The following FAM193A variants were observed in gnomAD, a reference collection of about 807,000 sequenced individuals.
FAM193A encodes the protein protein FAM193A.
FAM193A carries 22 observed loss-of-function variants against 126.5 expected under a neutral mutation model. The ratio of observed to expected loss-of-function variants is 0.17; its 90% confidence interval spans 0.12 to 0.25. The LOEUF (loss-of-function observed/expected upper bound fraction) is 0.25, where lower values mean the gene tolerates loss of function less well. Ranked by LOEUF, FAM193A falls within the 10% of genes least tolerant of loss-of-function variation. The pLI is 1.00. For missense variants in FAM193A, 1,675 were observed against 1,672.8 expected, an observed-to-expected ratio of 1.00 and a Z score of -0.02; for synonymous variants, 761 against 646.8, an observed-to-expected ratio of 1.18 and a Z score of -2.68.
At chr4:2,729,705 G>A (rs1322368905) in intron 20 of FAM193A, among the ~76,000 whole-genome samples, 1 of 152,130 alleles carries the variant, frequency 6.6e-6, no homozygotes, top group Non-Finnish European at 1.5e-5. Flanking sequence ...CTGCCCACCA[G>A]GCTGAAGCCA....
At chr4:2,590,472 AAAAC>A (rs1417474249) in intron 1 of FAM193A, among the ~76,000 whole-genome samples, 1,803 of 85,432 alleles carry the variant, frequency 0.021, 247 homozygotes, top group African/African-American at 0.028. Flanking sequence ...TCAAAAAAAA[AAAAC>A]AAAAAAAAAC....
chr4:2,617,493 T>C (rs993054603), intron 2 of FAM193A, among the ~76,000 whole-genome samples: 2 of 151,100 alleles, frequency 1.3e-5, no homozygotes, highest in African/African-American at 4.9e-5. Flanking sequence ...CTCGATCTCC[T>C]GACCTCGTGA....
intron 13 of FAM193A, among the ~76,000 whole-genome samples, chr4:2,681,260 TTTTG>T (rs1715085268): frequency 6.6e-6 from 1 of 152,150 alleles, no homozygotes; most frequent in South Asian, 2.1e-4. Flanking sequence ...GTTTTGTCAG[TTTTG>T]TTTCTCTTTT....
chr4:2,616,293 T>C (rs1471400282), intron 2 of FAM193A, among the ~76,000 whole-genome samples: 3 of 152,194 alleles, frequency 2.0e-5, no homozygotes, highest in Non-Finnish European at 4.4e-5. Context: ...CTTTGTCTTA[T>C]ACTGAGAGCC....
At chr4:2,570,788 G>A (rs992866837) in intron 1 of FAM193A, among the ~76,000 whole-genome samples, 15 of 152,092 alleles carry the variant, frequency 9.9e-5, no homozygotes, top group African/African-American at 3.4e-4. Context: ...CCCACTCCCC[G>A]GCCTGGGAGC....
At chr4:2,586,842 C>T (rs1027641532) in intron 1 of FAM193A, among the ~76,000 whole-genome samples, 1 of 152,034 alleles carries the variant, frequency 6.6e-6, no homozygotes, top group Non-Finnish European at 1.5e-5. Flanking sequence ...TTTGTAGAGA[C>T]GGGGTCTCCC....
chr4:2,554,916 A>G (rs2108828216), intron 1 of FAM193A, among the ~76,000 whole-genome samples: 1 of 152,220 alleles, frequency 6.6e-6, no homozygotes, highest in Non-Finnish European at 1.5e-5. Flanking sequence ...TAATATTGGC[A>G]TGTTATATTT....
chr4:2,638,519 G>A (rs902340418), intron 5 of FAM193A, among the ~76,000 whole-genome samples: 1 of 152,188 alleles, frequency 6.6e-6, no homozygotes, highest in Non-Finnish European at 1.5e-5. Context: ...GTGAAAACAC[G>A]ATGAGGAAAA....
rs1742911748 is a variant in FAM193A, at chr4:2,625,868, CG to C, written c.635+474del. On this transcript the variant is annotated intron_variant, in intron 3 of 20. Coordinates refer to ENST00000637812, the MANE Select transcript of FAM193A (RefSeq NM_001366318.2). ...CAGTCCCGGTATCTGGGACTACAGG[CG>C]CGCACCACCATGTCGGGCTAATTTT... Among the ~76,000 whole-genome samples the C allele has an allele frequency of 3.9e-5, 6 of 151,966 alleles. No homozygotes were observed. The South Asian group carries it at 1.2e-3, about 32-fold the overall frequency.
intron 2 of FAM193A, among the ~76,000 whole-genome samples, chr4:2,623,125 A>G (rs1016148377): frequency 2.0e-5 from 3 of 151,162 alleles, no homozygotes; most frequent in Admixed American, 6.6e-5. Flanking sequence ...TCAGGATGAC[A>G]CAAGCTCTTA....
intron 1 of FAM193A, among the ~76,000 whole-genome samples, chr4:2,590,911 C>T (rs1457676077): frequency 6.6e-6 from 1 of 151,864 alleles, no homozygotes; most frequent in Non-Finnish European, 1.5e-5. Context: ...CCTGTAATCC[C>T]AGCTACTTGG....
chr4:2,607,693 T>C (rs940004464), intron 2 of FAM193A, among the ~76,000 whole-genome samples: 2 of 152,248 alleles, frequency 1.3e-5, no homozygotes, highest in African/African-American at 4.8e-5. Context: ...TATGTTCAGG[T>C]TGGCAACTAG....
intron 13 of FAM193A, among the ~76,000 whole-genome samples, chr4:2,678,360 GTTTTTTTTTTTT>G (rs201173761): frequency 1.7e-5 from 2 of 120,162 alleles, no homozygotes; most frequent in African/African-American, 6.5e-5. Context: ...GGTTTTGGTG[GTTTTTTTTTTTT>G]TTTTTTTTGA....
intron 20 of FAM193A, among the ~76,000 whole-genome samples, chr4:2,726,458 GA>G (rs1407772038): frequency 6.6e-6 from 1 of 151,288 alleles, no homozygotes; most frequent in African/African-American, 2.4e-5. Context: ...GGGTTTCAGG[GA>G]AAAAAAAGGG....
In FAM193A at chr4:2,700,292, A is replaced by G. The variant is rs930657420; in HGVS notation, c.4120A>G (p.Lys1374Glu). The change falls in exon 19 of 21, where the codon AAG becomes GAG. Residue 1374 changes from lysine to glutamate, a missense_variant. Physicochemically the swap from Lys to Glu is moderately conservative, Grantham distance 56. Transcript: ENST00000637812. ...QSKPRAQTES[K>E]AKVVDLMSIT... ...CAAGCCCCGGGCCCAGACTGAGTCA[A>G]AGGCTAAGGTGGTCGACCTCATGTC... The G allele has an allele frequency of 4.3e-6, 7 of 1,614,020 alleles. No homozygotes were observed. Among genetic ancestry groups the G allele is most frequent in the South Asian group, 1.1e-5 (1 of 91,084 alleles).
At chr4:2,606,298 C>T (rs114254839) in intron 2 of FAM193A, among the ~76,000 whole-genome samples, 4,359 of 152,132 alleles carry the variant, frequency 0.029, 222 homozygotes, top group African/African-American at 0.099. Context: ...GATCCACCCA[C>T]CTCTGTCTCC....
At chr4:2,609,262 A>T (rs1020869161) in intron 2 of FAM193A, among the ~76,000 whole-genome samples, 3 of 152,270 alleles carry the variant, frequency 2.0e-5, no homozygotes, top group African/African-American at 7.2e-5. Context: ...AGGCTAAAAG[A>T]CATATTATGT....
At position 2,690,687 on chromosome 4, in the gene FAM193A, C is replaced by T. The variant is rs961511583; in HGVS notation, c.2531-11C>T. 6.3e-7 allele frequency: 1 copy of T among 1,599,400 alleles called. No individual in the cohort carries two copies. Among genetic ancestry groups the T allele is most frequent in the Non-Finnish European group, 8.5e-7 (1 of 1,173,788 alleles). ...TGTCAGAAGCCTTAATTTTCCTGTTCTTCTTTGAAGGGAGTGAAATATTAG... is the reference window on the plus strand; with the variant it reads ...TGTCAGAAGCCTTAATTTTCCTGTTTTTCTTTGAAGGGAGTGAAATATTAG... On this transcript the variant is annotated splice_polypyrimidine_tract_variant and intron_variant, in intron 14 of 20. Transcript: ENST00000637812.
At chr4:2,546,583 A>G (rs1441467844) in intron 1 of FAM193A, among the ~76,000 whole-genome samples, 1 of 152,142 alleles carries the variant, frequency 6.6e-6, no homozygotes, top group African/African-American at 2.4e-5. Flanking sequence ...GATTCATCCA[A>G]GTTGTTGCAT....
Sources: allele counts gnomAD v4.1 joint callset (sites outside exome capture counted in the v4.1 genomes callset), GRCh38; gene constraint gnomAD v4.1.1; transcripts MANE v1.5; gene names NCBI Gene and HGNC (gene_info 2026-07-23, HGNC 2026-07-21).